Variants in PLCB4 observed in about 807,000 individuals in gnomAD.
PLCB4 encodes 1-phosphatidylinositol 4,5-bisphosphate phosphodiesterase beta-4.
In PLCB4, 77 loss-of-function variants were observed where a neutral mutation model predicts 178.8. The observed-to-expected ratio is 0.43, with a 90% CI of 0.36 to 0.52. The LOEUF (loss-of-function observed/expected upper bound fraction) is 0.52. Among genes scored for constraint, PLCB4 ranks in the 20% least tolerant of loss-of-function variants. The probability of loss-of-function intolerance (pLI) is 0.00; values close to 1 mark genes in which losing one functional copy is unlikely to be tolerated. For missense variants in PLCB4, 1,024 were observed against 1,453.4 expected, an observed-to-expected ratio of 0.70 and a Z score of 4.80; for synonymous variants, 496 against 490.8, an observed-to-expected ratio of 1.01 and a Z score of -0.14.
At chr20:9,075,447 G>T (rs529970448) in intron 1 of PLCB4, among the ~76,000 whole-genome samples, 1 of 152,220 alleles carries the variant, frequency 6.6e-6, no homozygotes, top group Non-Finnish European at 1.5e-5. Flanking sequence ...CCAGAAATCC[G>T]AGATAGGGAG....
rs764533501 is a variant in PLCB4 at position 9,459,768 on chromosome 20, C to T, written c.3206C>T (p.Ala1069Val). 1 of 1,612,330 alleles carries T rather than the reference C, an allele frequency of 6.2e-7. No individual in the cohort carries two copies. The highest frequency in any genetic ancestry group is 8.5e-7 in the Non-Finnish European group (1 of 1,178,618). Residue 1069 changes from alanine (A) to valine (V), a missense_variant, in exon 35 of 40, where the codon GCC (alanine) becomes GTC (valine). Ala to Val is a moderately conservative substitution (Grantham distance 64, BLOSUM62 0). Coordinates refer to ENST00000378473, the MANE Select transcript of PLCB4 (RefSeq NM_001377142.1). The part of the protein sequence containing the change: ...CELLKKLLIN[A>V]HEQQTQQLKL... ...CTGCTGAAAAAGCTACTCATCAATG[C>T]CCACGAGCAGCAAACCCAGCAGCTG...
At chr20:9,228,937 C>T (rs1264651409) in intron 3 of PLCB4, among the ~76,000 whole-genome samples, 2 of 152,146 alleles carry the variant, frequency 1.3e-5, no homozygotes, top group African/African-American at 4.8e-5. Flanking sequence ...ACAGGCCTGA[C>T]TCGGGCCAGC....
intron 27 of PLCB4, among the ~76,000 whole-genome samples, chr20:9,422,851 C>G (rs2040739579): frequency 6.6e-6 from 1 of 152,170 alleles, no homozygotes; most frequent in African/African-American, 2.4e-5. Context: ...ACCATGGTTT[C>G]TCCTCTTCAT....
At chr20:9,179,043 G>T (rs906701512) in intron 2 of PLCB4, among the ~76,000 whole-genome samples, 2 of 152,036 alleles carry the variant, frequency 1.3e-5, no homozygotes, top group Non-Finnish European at 2.9e-5. Context: ...AAAAAATGAA[G>T]ATAACTTAAA....
chr20:9,161,999 T>C (rs144606653), intron 2 of PLCB4, among the ~76,000 whole-genome samples: 3 of 152,320 alleles, frequency 2.0e-5, no homozygotes, highest in Non-Finnish European at 2.9e-5. Flanking sequence ...TGGAGGAACA[T>C]TGATGAGAAT....
intron 3 of PLCB4, among the ~76,000 whole-genome samples, chr20:9,223,220 G>A (rs1333130919): frequency 6.6e-6 from 1 of 152,106 alleles, no homozygotes; most frequent in Non-Finnish European, 1.5e-5. Context: ...TCATGGGGCT[G>A]GAGTGTTACA....
chr20:9,363,455 C>A (rs928554594), intron 8 of PLCB4, among the ~76,000 whole-genome samples: 4 of 152,136 alleles, frequency 2.6e-5, no homozygotes, highest in Non-Finnish European at 4.4e-5. Flanking sequence ...CGTCAGGGAT[C>A]CAAAGTTACC....
rs530731642 is a variant in PLCB4, at chr20:9,204,190, T to G, written c.-78-13200T>G. On this transcript the variant is annotated intron_variant, in intron 2 of 39. Transcript: ENST00000378473. ...GTTAAAATCTTAGTCGTTGAGTCGT[T>G]GAGCCCAGTTTACATAGTTTCTGAA... 1.5e-3 allele frequency among the ~76,000 whole-genome samples: 224 copies of G among 152,272 alleles called. 1 individual carries two copies. The highest frequency in any genetic ancestry group is 5.1e-3 in the African/African-American group (211 of 41,564).
At position 9,384,417 on chromosome 20, in the gene PLCB4, G is replaced by A. The variant is rs1320937976; in HGVS notation, c.1064+6G>A. ...GTTCTCCTGGCTGGTTGCAGGTGAG[G>A]AACTCAAGATGGCAATTTGTTTTTT... On this transcript the variant is annotated splice_donor_region_variant and intron_variant, in intron 14 of 39. Coordinates refer to ENST00000378473, the MANE Select transcript of PLCB4 (RefSeq NM_001377142.1). 6.2e-6 allele frequency: 10 copies of A among 1,607,504 alleles called. No individual in the cohort carries two copies. The highest frequency in any genetic ancestry group is 7.7e-6 in the Non-Finnish European group (9 of 1,173,966).
intron 4 of PLCB4, among the ~76,000 whole-genome samples, chr20:9,327,572 T>C (rs183924055): frequency 6.6e-5 from 10 of 151,760 alleles, no homozygotes; most frequent in Admixed American, 6.6e-5. Flanking sequence ...GTCAGGAGAT[T>C]GAGACCATCC....
intron 35 of PLCB4, among the ~76,000 whole-genome samples, chr20:9,460,298 A>G (rs980904619): frequency 1.3e-5 from 2 of 152,198 alleles, no homozygotes; most frequent in Admixed American, 1.3e-4. Context: ...GTAGGGCTGG[A>G]ACTGGCCTTT....
chr20:9,451,717 A>C (rs950757506), intron 32 of PLCB4, among the ~76,000 whole-genome samples: 1 of 152,218 alleles, frequency 6.6e-6, no homozygotes, highest in South Asian at 2.1e-4. Flanking sequence ...GGTATTGAAT[A>C]GTATAGATAG....
chr20:9,418,701 C>G (rs113030369), intron 25 of PLCB4, among the ~76,000 whole-genome samples: 26 of 152,138 alleles, frequency 1.7e-4, no homozygotes, highest in African/African-American at 6.0e-4. Context: ...CAGTTTCTAC[C>G]AAAAAGTCAG....
At chr20:9,128,304 G>T (rs1387053789) in intron 2 of PLCB4, among the ~76,000 whole-genome samples, 2 of 152,138 alleles carry the variant, frequency 1.3e-5, no homozygotes, top group Admixed American at 6.6e-5. Context: ...CTGGAGCCAT[G>T]CTTGTACAAC....
intron 2 of PLCB4, among the ~76,000 whole-genome samples, chr20:9,209,888 C>T (rs1055792787): frequency 4.2e-5 from 6 of 141,694 alleles, no homozygotes; most frequent in African/African-American, 1.1e-4. Context: ...GGCGTGAACC[C>T]GGGAGGCGAA....
intron 25 of PLCB4, among the ~76,000 whole-genome samples, chr20:9,418,707 G>A (rs2040422277): frequency 1.3e-5 from 2 of 152,116 alleles, no homozygotes; most frequent in Non-Finnish European, 2.9e-5. Context: ...CTACCAAAAA[G>A]TCAGCTGGGA....
chr20:9,128,133 TG>T (rs1028759965), intron 2 of PLCB4, among the ~76,000 whole-genome samples: 1 of 152,136 alleles, frequency 6.6e-6, no homozygotes, highest in African/African-American at 2.4e-5. Flanking sequence ...GCTATCCTCT[TG>T]GATGAGGGGT....
chr20:9,355,816 A>C (rs563997131), intron 7 of PLCB4, among the ~76,000 whole-genome samples: 9,219 of 152,038 alleles, frequency 0.061, 894 homozygotes, highest in African/African-American at 0.21. Context: ...ATACCCAGTA[A>C]TGGGATGGCT....
intron 2 of PLCB4, among the ~76,000 whole-genome samples, chr20:9,185,209 T>G (rs1301911050): frequency 6.6e-6 from 1 of 152,198 alleles, no homozygotes; most frequent in South Asian, 2.1e-4. Context: ...AGCCTAAGAC[T>G]TTGCTTCCTT....
Sources: gnomAD v4.1 joint callset for allele counts (sites outside exome capture counted in the v4.1 genomes callset) on GRCh38, gnomAD v4.1.1 for gene constraint, MANE v1.5 for transcripts, NCBI Gene and HGNC (gene_info 2026-07-23, HGNC 2026-07-21) for gene names.